The following RBM27 variants were observed in gnomAD, a reference collection of about 807,000 sequenced individuals.
RBM27 encodes RNA binding motif protein 27, also known as RNA-binding protein 27.
A neutral mutation model predicts 135.3 loss-of-function variants in RBM27; 22 were observed. That is an observed-to-expected ratio of 0.16 (90% CI 0.12 to 0.23). RBM27 has a LOEUF of 0.23. Ranked by LOEUF, RBM27 falls within the 10% of genes least tolerant of loss-of-function variation. RBM27 has a pLI of 1.00. For missense variants in RBM27, 1,009 were observed against 1,281.0 expected (o/e 0.79, Z 3.24); for synonymous variants, 481 against 442.4 (o/e 1.09, Z -1.10).
chr5:146,207,054 TTG>T (rs1345105698), intron 1 of RBM27, among the ~76,000 whole-genome samples: 1 of 152,142 alleles, frequency 6.6e-6, no homozygotes, highest in East Asian at 1.9e-4. Context: ...CTAAAGTGGG[TTG>T]TGTTTGTAAA....
chr5:146,228,614 G>GT (rs1418728055), intron 3 of RBM27, among the ~76,000 whole-genome samples: 6 of 150,784 alleles, frequency 4.0e-5, no homozygotes. Flanking sequence ...TTTTTTGTTT[G>GT]TTTTTGAGAA....
chr5:146,271,171 C>A (rs891695456), intron 18 of RBM27, 113 bp downstream of exon 18: 3 of 710,154 alleles, frequency 4.2e-6, no homozygotes, highest in Non-Finnish European at 7.1e-6. Context: ...GAGGCCGAGG[C>A]GGGTGGATCA....
At chr5:146,262,288 T>C (rs1376249937) in intron 13 of RBM27, among the ~76,000 whole-genome samples, 1 of 127,856 alleles carries the variant, frequency 7.8e-6, no homozygotes, top group Non-Finnish European at 1.7e-5. Context: ...GTAGAGCTAT[T>C]TATTTTTTAG....
Position 146,253,174 on chromosome 5 carries a change from T to A in RBM27, c.1444+1299T>A, listed in dbSNP as rs570324880. Among the ~76,000 whole-genome samples the A allele has an allele frequency of 5.3e-5, 8 of 152,180 alleles. No individual in the cohort carries two copies. The South Asian group carries it at 1.7e-3, about 32-fold the overall frequency. On this transcript the variant is annotated intron_variant, in intron 9 of 20. Transcript: ENST00000265271. ...CACCAAGCCCGGCTAATTTTTGTAT[T>A]TTTAGTAGAGACGGGGTTTTGCCAT...
chr5:146,282,823 T>A (rs184838091), intron 19 of RBM27, among the ~76,000 whole-genome samples: 41 of 152,334 alleles, frequency 2.7e-4, no homozygotes, highest in African/African-American at 9.9e-4. Context: ...CAGTTTGAGA[T>A]TCTCACCATT....
chr5:146,242,648 C>T (rs949626504), intron 8 of RBM27, among the ~76,000 whole-genome samples: 2 of 152,162 alleles, frequency 1.3e-5, no homozygotes, highest in African/African-American at 4.8e-5. Context: ...GGCTGGAGTG[C>T]AGTGGTGCGA....
intron 2 of RBM27, among the ~76,000 whole-genome samples, chr5:146,222,692 A>G (rs565468557): frequency 1.2e-4 from 18 of 152,316 alleles, no homozygotes; most frequent in Non-Finnish European, 5.9e-5. Flanking sequence ...TCAAAAACAA[A>G]CAAACAAAAA....
At chr5:146,250,725 T>A (rs1396371286) in intron 8 of RBM27, among the ~76,000 whole-genome samples, 1 of 151,200 alleles carries the variant, frequency 6.6e-6, no homozygotes, top group African/African-American at 2.4e-5. Context: ...GATAATTTCA[T>A]GTGTCCAGTG....
At chr5:146,204,890 A>G (rs901856660) in intron 1 of RBM27, among the ~76,000 whole-genome samples, 1 of 151,958 alleles carries the variant, frequency 6.6e-6, no homozygotes, top group Non-Finnish European at 1.5e-5. Context: ...ATGTATCAAC[A>G]TTTTGTTTTA....
intron 7 of RBM27, among the ~76,000 whole-genome samples, chr5:146,236,862 G>T (rs1241273068): frequency 1.3e-5 from 2 of 148,428 alleles, no homozygotes; most frequent in Non-Finnish European, 3.0e-5. Context: ...GACCTCAGGT[G>T]ATCTGCCTCG....
chr5:146,258,435 T>G lies in RBM27; in HGVS notation c.1595-14T>G. ...CCTGAAAAACTCAGTAATTTCAATT[T>G]TTTTTTCCAACAGCTGCTAACATTG... On this transcript the variant is annotated splice_polypyrimidine_tract_variant and intron_variant, in intron 10 of 20. Coordinates refer to ENST00000265271, the MANE Select transcript of RBM27 (RefSeq NM_018989.2). The G allele has an allele frequency of 6.5e-7, 1 of 1,531,146 alleles. No individual in the cohort carries two copies. The highest frequency in any genetic ancestry group is 8.8e-7 in the Non-Finnish European group (1 of 1,140,964). 94.8% of individuals were successfully genotyped at this position (1,531,146 alleles called of 1,614,324 possible).
At chr5:146,220,810 A>C (rs576678555) in intron 2 of RBM27, among the ~76,000 whole-genome samples, 4 of 152,324 alleles carry the variant, frequency 2.6e-5, no homozygotes, top group African/African-American at 9.6e-5. Flanking sequence ...CTTGATTTAC[A>C]TTAAAGATGA....
intron 20 of RBM27, among the ~76,000 whole-genome samples, chr5:146,285,412 G>T (rs981322165): frequency 6.6e-6 from 1 of 152,042 alleles, no homozygotes; most frequent in Non-Finnish European, 1.5e-5. Flanking sequence ...AAGCAGAAAT[G>T]TTCCCTAGAT....
At chr5:146,271,434 G>T in intron 18 of RBM27, 49 bp from the exon 19 acceptor site, 1 of 1,460,792 alleles carries the variant, frequency 6.8e-7, no homozygotes, top group Non-Finnish European at 9.3e-7. Flanking sequence ...TTGTTTTTAA[G>T]GTTTAGTCTA....
chr5:146,229,100 C>A, intron 4 of RBM27, 63 bp downstream of exon 4: 1 of 1,269,342 alleles, frequency 7.9e-7, no homozygotes, highest in Non-Finnish European at 1.1e-6. Flanking sequence ...CTTGCAAGGA[C>A]ATTAAAGGGA....
chr5:146,256,728 G>T (rs917013349), intron 10 of RBM27, among the ~76,000 whole-genome samples: 2 of 152,092 alleles, frequency 1.3e-5, no homozygotes, highest in East Asian at 3.8e-4. Flanking sequence ...GCTTAGAGAG[G>T]TTTAAAGAAC....
At chr5:146,207,335 T>C (rs1017004339) in intron 1 of RBM27, among the ~76,000 whole-genome samples, 2 of 152,000 alleles carry the variant, frequency 1.3e-5, no homozygotes, top group African/African-American at 4.8e-5. Flanking sequence ...TGCTTTAGCC[T>C]CCCGAGTAGC....
chr5:146,253,776 A>G (rs1757996591), intron 9 of RBM27, among the ~76,000 whole-genome samples: 1 of 152,142 alleles, frequency 6.6e-6, no homozygotes, highest in Non-Finnish European at 1.5e-5. Flanking sequence ...ATCTAAGAGT[A>G]TTGGGGGTGA....
intron 3 of RBM27, among the ~76,000 whole-genome samples, chr5:146,226,779 G>A (rs926600862): frequency 6.6e-6 from 1 of 152,102 alleles, no homozygotes; most frequent in African/African-American, 2.4e-5. Flanking sequence ...TGTGAAAAAT[G>A]GATAATGCCA....
Sources: allele counts gnomAD v4.1 joint callset (sites outside exome capture counted in the v4.1 genomes callset), GRCh38; gene constraint gnomAD v4.1.1; transcripts MANE v1.5; gene names NCBI Gene and HGNC (gene_info 2026-07-23, HGNC 2026-07-21).